HIVEP1: variants seen among roughly 807,000 people sequenced by gnomAD.
The protein encoded by HIVEP1 is HIVEP zinc finger 1.
Under a neutral mutation model 180.0 loss-of-function variants are expected in HIVEP1, and 36 were observed. The observed-to-expected ratio is 0.20, with a 90% CI of 0.15 to 0.26. HIVEP1 has a LOEUF of 0.26. Ranked by LOEUF, HIVEP1 falls within the 10% of genes least tolerant of loss-of-function variation. HIVEP1 has a pLI of 1.00. For missense variants in HIVEP1, 3,143 were observed against 3,268.7 expected, an observed-to-expected ratio of 0.96 and a Z score of 0.94; for synonymous variants, 1,239 against 1,239.0, an observed-to-expected ratio of 1.00 and a Z score of 0.00.
upstream of HIVEP1, among the ~76,000 whole-genome samples, chr6:12,009,120 T>TGGCGGTGGC (rs1398800829): frequency 6.9e-6 from 1 of 145,980 alleles, no homozygotes; most frequent in Admixed American, 6.8e-5. Flanking sequence ...CGCGTGGCGG[T>TGGCGGTGGC]GGCGGCGGCG....
chr6:12,205,109 C>G, the HIVEP1 span, among the ~76,000 whole-genome samples: 3 of 152,096 alleles, frequency 2.0e-5, no homozygotes, highest in East Asian at 5.8e-4. Context: ...GTGATGTCTC[C>G]TACAGTTTCA....
chr6:12,167,652 T>TTACATTTATATATAC (rs1562023676), downstream of HIVEP1, among the ~76,000 whole-genome samples: 1 of 19,212 alleles, frequency 5.2e-5, no homozygotes, highest in Admixed American at 6.3e-4. Context: ...TATACATATA[T>TTACATTTATATATAC]ATGTTATATA....
the HIVEP1 span, among the ~76,000 whole-genome samples, chr6:12,193,058 T>A: frequency 5.9e-5 from 9 of 152,196 alleles, no homozygotes; most frequent in Non-Finnish European, 7.3e-5. Flanking sequence ...AGAGCTGTTA[T>A]AAGGCTTACT....
At chr6:12,119,381 T>C (rs1775422007) in intron 3 of HIVEP1, among the ~76,000 whole-genome samples, 1 of 152,238 alleles carries the variant, frequency 6.6e-6, no homozygotes, top group Non-Finnish European at 1.5e-5. Context: ...AAGTCCCTCA[T>C]CTGGCAAGAA....
intron 2 of HIVEP1, among the ~76,000 whole-genome samples, chr6:12,023,682 G>A (rs747986927): frequency 2.0e-5 from 3 of 151,832 alleles, no homozygotes; most frequent in South Asian, 4.2e-4. Context: ...ATTATTTTTC[G>A]GCTCATGTTG....
the HIVEP1 span, among the ~76,000 whole-genome samples, chr6:12,184,672 A>G: frequency 6.6e-6 from 1 of 152,296 alleles, no homozygotes; most frequent in African/African-American, 2.4e-5. Flanking sequence ...GGAATTTCTT[A>G]GAATGCATTT....
At chr6:12,089,148 TA>T in intron 2 of HIVEP1, 35 bp from the exon 3 acceptor site, 1 of 1,176,116 alleles carries the variant, frequency 8.5e-7, no homozygotes, top group Non-Finnish European at 1.3e-6. Context: ...TTGTTTAAGG[TA>T]AATTAATTTA....
Position 12,120,336 on chromosome 6 carries a change from T to C in HIVEP1, c.541T>C (p.Ser181Pro), listed in dbSNP as rs1396242568. 1.9e-6 allele frequency: 3 copies of C among 1,614,062 alleles called. No individual in the cohort carries two copies. The Admixed American group carries it at 5.0e-5, about 27-fold the overall frequency. Reference protein sequence around the residue: ...KTRTDNSECISSHCGTTSPSY... With the variant: ...KTRTDNSECIPSHCGTTSPSY... ...CAGGACTGACAATAGCGAATGCATCTCTTCTCATTGTGGCACTACGTCCCC... is the reference window on the plus strand; with the variant it reads ...CAGGACTGACAATAGCGAATGCATCCCTTCTCATTGTGGCACTACGTCCCC... Residue 181 changes from serine (S) to proline (P), a missense_variant, in exon 4 of 9, where the codon TCT becomes CCT. By Grantham distance (74) the Ser-to-Pro change is moderately conservative. This residue lies in a region of HIVEP1 where 306 missense variants were observed against 310.6 expected (regional missense o/e 0.99). Transcript: ENST00000379388.
chr6:12,193,022 A>C, the HIVEP1 span, among the ~76,000 whole-genome samples: 1 of 152,188 alleles, frequency 6.6e-6, no homozygotes, highest in Non-Finnish European at 1.5e-5. Context: ...TCTGCAAAAT[A>C]GGGATAATAA....
chr6:12,034,204 T>G (rs575841128), intron 2 of HIVEP1, among the ~76,000 whole-genome samples: 1 of 152,354 alleles, frequency 6.6e-6, no homozygotes, highest in Admixed American at 6.5e-5. Flanking sequence ...TATGTATGTA[T>G]GCATTTTGGT....
chr6:12,177,663 GATA>G, the HIVEP1 span, among the ~76,000 whole-genome samples: 1 of 152,138 alleles, frequency 6.6e-6, no homozygotes, highest in Admixed American at 6.5e-5. Context: ...GAAACCAGAA[GATA>G]ATAACTGACA....
chr6:12,074,543 G>A (rs1468991608), intron 2 of HIVEP1, among the ~76,000 whole-genome samples: 1 of 152,076 alleles, frequency 6.6e-6, no homozygotes, highest in African/African-American at 2.4e-5. Context: ...ATAGTGTAGT[G>A]TAGGTCTGTA....
intron 2 of HIVEP1, among the ~76,000 whole-genome samples, chr6:12,078,664 C>CAT (rs1232946265): frequency 3.8e-5 from 5 of 132,572 alleles, no homozygotes; most frequent in Admixed American, 1.6e-4. Context: ...CATATATATA[C>CAT]ATATATATAC....
intron 2 of HIVEP1, among the ~76,000 whole-genome samples, chr6:12,061,812 T>A (rs981862359): frequency 6.6e-6 from 1 of 152,220 alleles, no homozygotes; most frequent in African/African-American, 2.4e-5. Flanking sequence ...TTGGTAATTT[T>A]AACTTAAACA....
chr6:12,096,585 T>C (rs1455745785), intron 3 of HIVEP1, among the ~76,000 whole-genome samples: 3 of 151,840 alleles, frequency 2.0e-5, no homozygotes, highest in Non-Finnish European at 4.4e-5. Context: ...TTTTTGAAGA[T>C]AATGTGAATG....
chr6:12,121,963 C>G lies in HIVEP1; in HGVS notation c.2168C>G (p.Pro723Arg), dbSNP rs1757707324. Residue 723 changes from proline (P) to arginine (R), a missense_variant, in exon 4 of 9, where the codon CCC becomes CGC. Pro to Arg is a moderately radical substitution (Grantham distance 103). Around this residue, in one of 12 missense-constraint regions of HIVEP1, gnomAD observed 365 missense variants for 344.4 expected, o/e 1.06. Coordinates refer to ENST00000379388, the MANE Select transcript of HIVEP1 (RefSeq NM_002114.4). The surrounding 1 kb of genome is among the most constrained non-coding windows in gnomAD (Gnocchi z 5.3). ...ACCACGTCAACACCCTCTGCTTTGC[C>G]CACAGGGGAAAAGGCATTGCTTTTA... ...LVTTSTPSALPTGEKALLLPG... is the reference protein window; with the variant it reads ...LVTTSTPSALRTGEKALLLPG... 6.2e-7 allele frequency: 1 copy of G among 1,614,132 alleles called. No homozygotes were observed. Among genetic ancestry groups the G allele is most frequent in the Non-Finnish European group, 8.5e-7 (1 of 1,180,030 alleles).
chr6:12,158,577 G>C (rs1452964253), intron 7 of HIVEP1, among the ~76,000 whole-genome samples: 1 of 152,140 alleles, frequency 6.6e-6, no homozygotes, highest in Non-Finnish European at 1.5e-5. Context: ...TGCTGTCTCT[G>C]TTCCGATTGA....
downstream of HIVEP1, among the ~76,000 whole-genome samples, chr6:12,169,990 G>A (rs1236316287): frequency 2.0e-5 from 3 of 151,968 alleles, no homozygotes; most frequent in East Asian, 1.9e-4. Flanking sequence ...GGGTGGTGGT[G>A]GGCACCTGTA....
At chr6:12,081,028 T>C (rs1341638309) in intron 2 of HIVEP1, among the ~76,000 whole-genome samples, 2 of 152,164 alleles carry the variant, frequency 1.3e-5, no homozygotes. Context: ...CATCTGCTCT[T>C]GGTACCTGTG....
Sources: gnomAD v4.1 joint callset for allele counts (sites outside exome capture counted in the v4.1 genomes callset) on GRCh38, gnomAD v4.1.1 for gene constraint, gnomAD v4.1.1 regional missense constraint, Gnocchi (gnomAD v3.1) non-coding constraint, MANE v1.5 for transcripts, NCBI Gene and HGNC (gene_info 2026-07-23, HGNC 2026-07-21) for gene names.